The following NBPF10 variants were observed in gnomAD, a reference collection of about 807,000 sequenced individuals.
The protein encoded by NBPF10 is NBPF member 10.
A neutral mutation model predicts 77.9 loss-of-function variants in NBPF10; 63 were observed. That is an observed-to-expected ratio of 0.81 (90% CI 0.66 to 1.00). NBPF10 has a LOEUF of 1.00. Among genes scored for constraint, NBPF10 ranks in the 50% least tolerant of loss-of-function variants. NBPF10 has a pLI of 0.00. For synonymous variants in NBPF10, 146 were observed against 264.5 expected (o/e 0.55, Z 4.35); for missense variants, 522 against 679.8 (o/e 0.77, Z 2.58).
intron 13 of NBPF10, among the ~76,000 whole-genome samples, chr1:146,126,614 C>CACACAG (rs1553790135): frequency 1.4e-5 from 2 of 140,704 alleles, no homozygotes; most frequent in African/African-American, 5.1e-5. Context: ...CACACACACA[C>CACACAG]ACACACACAC....
At chr1:146,076,302 CAGAG>C (rs1158170059) in intron 77 of NBPF10, among the ~76,000 whole-genome samples, 834 of 4,852 alleles carry the variant, frequency 0.17, 18 homozygotes, top group Admixed American at 0.25. Context: ...CACACACACA[CAGAG>C]AGAGAGAGAG....
chr1:146,136,627 G>A (rs77285267), intron 6 of NBPF10, among the ~76,000 whole-genome samples, 172 bp from the exon 7 acceptor site: 3 of 142,384 alleles, frequency 2.1e-5, no homozygotes, highest in East Asian at 4.1e-4. Flanking sequence ...TCTGGCATCT[G>A]ATCCTCCAAA....
In NBPF10 at chr1:146,125,460, G is replaced by T. The variant is rs1559338749; in HGVS notation, c.2078+5C>A. ...AATTAAGCATCCATAATTGCTCAAA[G>T]TTACCTGGGGCATGATGGGTCTTGG... is the stretch of plus-strand genomic sequence containing the variant. On this transcript the variant is annotated splice_donor_5th_base_variant and intron_variant, in intron 15 of 89. Coordinates refer to ENST00000583866, the Ensembl canonical transcript of NBPF10. 2.5e-6 allele frequency: 1 copy of T among 399,362 alleles called. No individual in the cohort carries two copies. Among genetic ancestry groups the T allele is most frequent in the Non-Finnish European group, 4.3e-6 (1 of 230,708 alleles). The allele number at this position is 399,362 out of a possible 1,614,324, so 24.7% of individuals were successfully genotyped here.
chr1:146,126,522 C>A, intron 13 of NBPF10, 114 bp from the exon 14 acceptor site: 2 of 713,610 alleles, frequency 2.8e-6, no homozygotes, highest in East Asian at 2.7e-5. Flanking sequence ...AGGACAGATC[C>A]ATTAATGAGG....
chr1:146,126,416 A>G lies in NBPF10; in HGVS notation c.1854-8T>C, dbSNP rs1255202437. ...AGCAGCTCCCTGCTGAGCGTGGAAA[A>G]GTAGGAAAAAGTAAAGAATAAGCCA... is the stretch of plus-strand genomic sequence containing the variant. On this transcript the variant is annotated splice_region_variant and splice_polypyrimidine_tract_variant and intron_variant, in intron 13 of 89. Coordinates refer to ENST00000583866, the Ensembl canonical transcript of NBPF10. 3.5e-6 allele frequency: 4 copies of G among 1,132,048 alleles called. No homozygotes were observed. Among genetic ancestry groups the G allele is most frequent in the Admixed American group, 1.8e-5 (1 of 56,820 alleles). The allele number at this position is 1,132,048 out of a possible 1,614,324, so 70.1% of individuals were successfully genotyped here.
chr1:146,132,939 G>T (rs1553793261), intron 10 of NBPF10, among the ~76,000 whole-genome samples: 1 of 31,796 alleles, frequency 3.1e-5, no homozygotes, highest in African/African-American at 7.7e-5. Flanking sequence ...AAAAATCCAC[G>T]ATGCTACAAA....
chr1:146,076,282 C>CAA (rs1571124194), intron 77 of NBPF10, among the ~76,000 whole-genome samples: 5 of 10,924 alleles, frequency 4.6e-4, no homozygotes, highest in Admixed American at 1.9e-3. Flanking sequence ...CACACACACA[C>CAA]ACACACACAC....
At chr1:146,067,804 A>C (rs1412147675) in intron 88 of NBPF10, among the ~76,000 whole-genome samples, 199 bp downstream of exon 88, 1 of 151,872 alleles carries the variant, frequency 6.6e-6, no homozygotes, top group African/African-American at 2.4e-5. Context: ...TGAGACTAGG[A>C]AGAGAGTCTT....
At chr1:146,141,423 GA>G (rs1330408753) in intron 3 of NBPF10, among the ~76,000 whole-genome samples, 180 bp downstream of exon 3, 1 of 109,700 alleles carries the variant, frequency 9.1e-6, no homozygotes, top group Non-Finnish European at 2.1e-5. Context: ...GCAATACTGT[GA>G]CCTCCAAACC....
chr1:146,135,876 G>T (rs113022147), intron 7 of NBPF10, among the ~76,000 whole-genome samples: 3 of 143,250 alleles, frequency 2.1e-5, no homozygotes, highest in Non-Finnish European at 4.5e-5. Flanking sequence ...GCGGCCACTA[G>T]ATACAAAGCC....
intron 15 of NBPF10, among the ~76,000 whole-genome samples, chr1:146,125,105 G>A (rs1242234659): frequency 3.9e-5 from 2 of 51,888 alleles, no homozygotes; most frequent in Non-Finnish European, 7.3e-5. Context: ...TCAGCGAGTT[G>A]GCCGGGTGAC....
intron 7 of NBPF10, among the ~76,000 whole-genome samples, chr1:146,135,996 GCAGT>G (rs1412750426): frequency 1.3e-4 from 20 of 148,618 alleles, no homozygotes; most frequent in Non-Finnish European, 2.2e-4. Context: ...ATGAGAAGCC[GCAGT>G]CAGTCAGGAG....
intron 5 of NBPF10, among the ~76,000 whole-genome samples, chr1:146,139,236 A>C (rs1307674012): frequency 6.8e-6 from 1 of 147,860 alleles, no homozygotes; most frequent in Non-Finnish European, 1.5e-5. Flanking sequence ...AGTAGCTGGG[A>C]CTACAGGCGC....
intron 89 of NBPF10, among the ~76,000 whole-genome samples, chr1:146,066,837 G>T (rs1276600074): frequency 6.6e-6 from 1 of 151,688 alleles, no homozygotes; most frequent in Non-Finnish European, 1.5e-5. Context: ...ACTGGTAAGG[G>T]AGTCAAAGGA....
At chr1:146,066,771 C>G (rs113226996) in intron 89 of NBPF10, among the ~76,000 whole-genome samples, 5 of 149,402 alleles carry the variant, frequency 3.3e-5, no homozygotes, top group Middle Eastern at 3.5e-3. Flanking sequence ...GAGAGAGAGA[C>G]AGAGACAGAG....
chr1:146,071,516 G>GAC (rs1292207002), intron 83 of NBPF10, among the ~76,000 whole-genome samples, 197 bp from the exon 84 acceptor site: 16 of 15,294 alleles, frequency 1.0e-3, no homozygotes, highest in African/African-American at 1.6e-3. Context: ...AAGACAGATA[G>GAC]ACACACACAC....
intron 19 of NBPF10, 76 bp from the exon 20 acceptor site, chr1:146,121,746 T>C: frequency 1.8e-6 from 1 of 560,336 alleles, no homozygotes; most frequent in South Asian, 2.0e-5. Context: ...ATTTCATGGC[T>C]AACGTAAGGA....
At position 146,067,265 on chromosome 1, in the gene NBPF10, T is replaced by A. The variant is rs782615856; in HGVS notation, c.11059A>T (p.Lys3687Ter). Residue 3687 changes from lysine to a stop codon, truncating the protein, a stop_gained, in exon 89 of 90, where the codon AAA becomes TAA. Coordinates refer to ENST00000583866, the Ensembl canonical transcript of NBPF10. LOFTEE classifies it high-confidence loss of function. The stretch of plus-strand genomic sequence containing the variant: ...TTTGATCTTCTTCCCCTTCTTTTTT[T>A]CCCCTTCCCCTTCTTTTCAATTTCT... The A allele has an allele frequency of 3.5e-6, 2 of 564,976 alleles. No homozygotes were observed. Among genetic ancestry groups the A allele is most frequent in the South Asian group, 1.8e-5 (1 of 57,048 alleles). 35.0% of individuals were successfully genotyped at this position (564,976 alleles called of 1,614,324 possible). A position where few individuals can be genotyped will look rare whatever the true frequency, so the allele number is the denominator to read the frequency against.
chr1:146,121,921 A>T (rs1658224633), intron 19 of NBPF10, among the ~76,000 whole-genome samples: 1 of 146,372 alleles, frequency 6.8e-6, no homozygotes, highest in African/African-American at 2.6e-5. Flanking sequence ...TGAATTGGCC[A>T]GGTGACATAC....
Sources: gnomAD v4.1 joint callset for allele counts (sites outside exome capture counted in the v4.1 genomes callset) on GRCh38, gnomAD v4.1.1 for gene constraint, MANE v1.5 for transcripts, NCBI Gene and HGNC (gene_info 2026-07-23, HGNC 2026-07-21) for gene names.